The following TBC1D5 variants were observed in gnomAD, a reference collection of about 807,000 sequenced individuals.
TBC1D5 encodes the protein TBC1 domain family, member 5.
TBC1D5 carries 75 observed loss-of-function variants against 100.3 expected under a neutral mutation model. The observed-to-expected ratio is 0.75, with a 90% CI of 0.62 to 0.91. The LOEUF is 0.91. TBC1D5 is among the 40% of genes least tolerant of loss of function. The pLI is 0.00. For missense variants in TBC1D5, 910 were observed against 942.4 expected (o/e 0.97, Z 0.45); for synonymous variants, 323 against 325.6 (o/e 0.99, Z 0.09).
At chr3:17,658,184 C>T (rs950715682) in intron 1 of TBC1D5, among the ~76,000 whole-genome samples, 1 of 152,136 alleles carries the variant, frequency 6.6e-6, no homozygotes, top group Non-Finnish European at 1.5e-5. Flanking sequence ...ATGAAATCAC[C>T]TAACAACACA....
rs558021322 is a variant in TBC1D5, at chr3:17,616,866, T to C, written c.-36+6983A>G. On this transcript the variant is annotated intron_variant, in intron 2 of 21. Transcript: ENST00000253692. The stretch of plus-strand genomic sequence containing the variant: ...CAATTTGCCAGTCCGTGTCTTTTAA[T>C]TGGGGCATTTAGCCCATTTACATTT... Among the ~76,000 whole-genome samples the C allele has an allele frequency of 8.1e-4, 123 of 152,336 alleles. 1 individual carries two copies. Among genetic ancestry groups the C allele is most frequent in the African/African-American group, 2.5e-3 (103 of 41,578 alleles).
chr3:17,578,577 A>T (rs2096672083), intron 2 of TBC1D5, among the ~76,000 whole-genome samples: 1 of 152,066 alleles, frequency 6.6e-6, no homozygotes, highest in Non-Finnish European at 1.5e-5. Context: ...CAAAATAAAC[A>T]TTTTTTAAAA....
At chr3:17,507,453 G>A (rs2095855996) in intron 3 of TBC1D5, among the ~76,000 whole-genome samples, 1 of 152,062 alleles carries the variant, frequency 6.6e-6, no homozygotes, top group Non-Finnish European at 1.5e-5. Context: ...TATTAAAGAT[G>A]CACAAAAAGC....
intron 1 of TBC1D5, among the ~76,000 whole-genome samples, chr3:17,684,929 T>C (rs1396509888): frequency 6.6e-6 from 1 of 152,032 alleles, no homozygotes; most frequent in Non-Finnish European, 1.5e-5. Flanking sequence ...AACATTCCAG[T>C]AGTAGAACAG....
intron 18 of TBC1D5, among the ~76,000 whole-genome samples, chr3:17,201,242 A>C (rs2125806973): frequency 6.6e-6 from 1 of 152,196 alleles, no homozygotes; most frequent in Admixed American, 6.5e-5. Flanking sequence ...CAGAATTTGG[A>C]GAGTGAAAAA....
intron 3 of TBC1D5, among the ~76,000 whole-genome samples, chr3:17,502,224 C>T (rs1427749917): frequency 6.7e-6 from 1 of 149,776 alleles, no homozygotes; most frequent in East Asian, 1.9e-4. Context: ...GTATAGAATA[C>T]ATAATTCACT....
At chr3:17,318,535 C>T (rs930948374) in intron 13 of TBC1D5, among the ~76,000 whole-genome samples, 1 of 152,168 alleles carries the variant, frequency 6.6e-6, no homozygotes, top group East Asian at 1.9e-4. Context: ...TTTGCTCAGC[C>T]CCCAGTCTGT....
chr3:17,392,618 G>A (rs2093386370), intron 8 of TBC1D5, among the ~76,000 whole-genome samples: 2 of 152,054 alleles, frequency 1.3e-5, no homozygotes, highest in Admixed American at 6.6e-5. Context: ...TGCGGTGTTT[G>A]GTTTTCTGTT....
At chr3:17,457,381 C>T (rs2095111602) in intron 3 of TBC1D5, among the ~76,000 whole-genome samples, 1 of 151,994 alleles carries the variant, frequency 6.6e-6, no homozygotes, top group African/African-American at 2.4e-5. Flanking sequence ...ATTATTATTT[C>T]TCTTTGTGTT....
intron 17 of TBC1D5, among the ~76,000 whole-genome samples, chr3:17,215,700 G>C (rs926288677): frequency 6.6e-6 from 1 of 152,090 alleles, no homozygotes; most frequent in Non-Finnish European, 1.5e-5. Context: ...ACCACAGATT[G>C]GCCCCTTGGA....
At chr3:17,488,110 G>T (rs1322283899) in intron 3 of TBC1D5, among the ~76,000 whole-genome samples, 1 of 152,158 alleles carries the variant, frequency 6.6e-6, no homozygotes, top group Admixed American at 6.5e-5. Flanking sequence ...CTGCCCTAAA[G>T]ATCTTCTGTG....
intron 1 of TBC1D5, among the ~76,000 whole-genome samples, chr3:17,654,903 C>T (rs1311701012): frequency 1.3e-5 from 2 of 152,178 alleles, no homozygotes; most frequent in African/African-American, 4.8e-5. Context: ...GTGTATGTGT[C>T]GAGCAATTTA....
intron 2 of TBC1D5, chr3:17,586,277 T>C (rs967882402): frequency 1.5e-4 from 23 of 152,284 alleles, no homozygotes; most frequent in African/African-American, 5.5e-4. Context: ...CAAAAATCTA[T>C]GGAACACATT....
At chr3:17,415,461 CA>C (rs1424060945) in intron 4 of TBC1D5, among the ~76,000 whole-genome samples, 3 of 151,940 alleles carry the variant, frequency 2.0e-5, no homozygotes, top group African/African-American at 7.3e-5. Flanking sequence ...AAAAACAAAA[CA>C]AAAACAAACA....
intron 1 of TBC1D5, among the ~76,000 whole-genome samples, chr3:17,700,945 C>A (rs557853430): frequency 6.6e-6 from 1 of 152,134 alleles, no homozygotes; most frequent in East Asian, 1.9e-4. Context: ...ATCTAGAACT[C>A]GAAATACCAT....
At chr3:17,450,809 C>T (rs926469533) in intron 3 of TBC1D5, among the ~76,000 whole-genome samples, 21 of 152,200 alleles carry the variant, frequency 1.4e-4, no homozygotes, top group African/African-American at 4.8e-4. Context: ...GGAAAATACA[C>T]TTCAGGATAT....
intron 1 of TBC1D5, among the ~76,000 whole-genome samples, chr3:17,715,308 A>G (rs1222237248): frequency 6.6e-6 from 1 of 152,198 alleles, no homozygotes; most frequent in East Asian, 1.9e-4. Context: ...GATCCTGATT[A>G]GTGGTTCCCA....
At chr3:17,246,368 A>G (rs2076737721) in intron 16 of TBC1D5, among the ~76,000 whole-genome samples, 1 of 152,234 alleles carries the variant, frequency 6.6e-6, no homozygotes, top group African/African-American at 2.4e-5. Flanking sequence ...ATTGATATAC[A>G]TATTAAATGT....
intron 1 of TBC1D5, among the ~76,000 whole-genome samples, chr3:17,647,213 G>GTATCCA (rs960117740): frequency 5.3e-5 from 8 of 152,054 alleles, no homozygotes; most frequent in Non-Finnish European, 1.0e-4. Context: ...AACACAGTGA[G>GTATCCA]TATCCATCAT....
Sources: gnomAD v4.1 joint callset for allele counts (sites outside exome capture counted in the v4.1 genomes callset) on GRCh38, gnomAD v4.1.1 for gene constraint, MANE v1.5 for transcripts, NCBI Gene and HGNC (gene_info 2026-07-23, HGNC 2026-07-21) for gene names.